The following S100Z variants were observed in gnomAD, a reference collection of about 807,000 sequenced individuals.
S100Z encodes protein S100-Z.
S100Z carries 11 observed loss-of-function variants against 8.5 expected under a neutral mutation model. That is an observed-to-expected ratio of 1.30 (90% CI 0.82 to 2.15). The LOEUF (loss-of-function observed/expected upper bound fraction) is 2.15. Among genes scored for constraint, S100Z ranks in the 30% most tolerant of loss-of-function variants. The probability of loss-of-function intolerance (pLI) is 0.00; values close to 1 mark genes in which losing one functional copy is unlikely to be tolerated. For missense variants in S100Z, 126 were observed against 117.9 expected, an observed-to-expected ratio of 1.07 and a Z score of -0.32; for synonymous variants, 34 against 43.8, an observed-to-expected ratio of 0.78 and a Z score of 0.89.
intron 4 of S100Z, among the ~76,000 whole-genome samples, chr5:76,894,307 A>G (rs1251655408): frequency 6.6e-6 from 1 of 152,178 alleles, no homozygotes; most frequent in Non-Finnish European, 1.5e-5. Context: ...TGTATTTCTT[A>G]AATGTATTTG....
At chr5:76,864,778 G>A (rs1008588628) in intron 1 of S100Z, among the ~76,000 whole-genome samples, 7 of 152,016 alleles carry the variant, frequency 4.6e-5, no homozygotes, top group South Asian at 2.1e-4. Flanking sequence ...GCACGATCTC[G>A]GCTCGCTGCA....
chr5:76,898,800 T>C (rs2359427), intron 4 of S100Z, among the ~76,000 whole-genome samples: 103,836 of 151,926 alleles, frequency 0.68, 36,248 homozygotes, highest in African/African-American at 0.82. Flanking sequence ...CAGGGTAATA[T>C]GGGCCTCATA....
intron 1 of S100Z, among the ~76,000 whole-genome samples, chr5:76,859,449 G>T (rs1314637175): frequency 1.3e-5 from 2 of 152,096 alleles, no homozygotes; most frequent in Non-Finnish European, 1.5e-5. Flanking sequence ...AATAATGCAG[G>T]ATCTTTACCC....
intron 4 of S100Z, among the ~76,000 whole-genome samples, chr5:76,919,257 A>G (rs1420944560): frequency 6.6e-6 from 1 of 152,214 alleles, no homozygotes; most frequent in African/African-American, 2.4e-5. Flanking sequence ...TTTTGTGAGA[A>G]ACCACCAAAT....
chr5:76,878,936 G>C (rs1743293973), intron 4 of S100Z, among the ~76,000 whole-genome samples: 2 of 152,294 alleles, frequency 1.3e-5, no homozygotes, highest in South Asian at 2.1e-4. Flanking sequence ...AACCGTTGCT[G>C]TTTGCCCATC....
chr5:76,901,337 A>C (rs1056450494), intron 4 of S100Z, among the ~76,000 whole-genome samples: 1 of 152,214 alleles, frequency 6.6e-6, no homozygotes, highest in Non-Finnish European at 1.5e-5. Context: ...CCAAGCTTCA[A>C]GTGGGTCCAG....
the S100Z span, among the ~76,000 whole-genome samples, chr5:76,937,837 GT>G: frequency 6.8e-6 from 1 of 146,270 alleles, no homozygotes; most frequent in Non-Finnish European, 1.5e-5. Context: ...TCCCTATTAT[GT>G]TTCTGCTGCT....
the S100Z span, among the ~76,000 whole-genome samples, chr5:76,951,269 G>A: frequency 1.1e-3 from 161 of 152,364 alleles, no homozygotes; most frequent in African/African-American, 3.6e-3. Context: ...CATCATGACA[G>A]CAGGGTGGGA....
chr5:76,881,967 A>G (rs1290782971), intron 4 of S100Z, among the ~76,000 whole-genome samples: 1 of 152,204 alleles, frequency 6.6e-6, no homozygotes, highest in Non-Finnish European at 1.5e-5. Flanking sequence ...GGACCCTTGC[A>G]TAGTGAGGAA....
downstream of S100Z, among the ~76,000 whole-genome samples, chr5:76,922,417 T>G (rs1433459573): frequency 6.6e-6 from 1 of 152,224 alleles, no homozygotes; most frequent in Non-Finnish European, 1.5e-5. Flanking sequence ...CAAAATAAGA[T>G]GACCTTTGTT....
the S100Z span, among the ~76,000 whole-genome samples, chr5:76,926,791 T>A: frequency 6.6e-6 from 1 of 152,190 alleles, no homozygotes; most frequent in Non-Finnish European, 1.5e-5. Flanking sequence ...GGCAGTAGAA[T>A]CAGCTTTGCA....
chr5:76,873,436 T>C (rs1328250531), intron 2 of S100Z, among the ~76,000 whole-genome samples: 1 of 151,434 alleles, frequency 6.6e-6, no homozygotes, highest in East Asian at 1.9e-4. Flanking sequence ...GCCTCCCGAG[T>C]AGCTGGGACT....
the S100Z span, among the ~76,000 whole-genome samples, chr5:76,937,395 T>C: frequency 1.3e-5 from 2 of 152,028 alleles, no homozygotes; most frequent in Non-Finnish European, 2.9e-5. Flanking sequence ...ATTTTATTAT[T>C]CTTATTTAAA....
At chr5:76,854,829 C>T (rs75342158) in intron 1 of S100Z, among the ~76,000 whole-genome samples, 1,923 of 152,352 alleles carry the variant, frequency 0.013, 24 homozygotes, top group African/African-American at 0.042. Flanking sequence ...CCAGGCAGCC[C>T]CTCCAATCAC....
At chr5:76,925,504 A>G (rs1396151882), downstream of S100Z, among the ~76,000 whole-genome samples, 1 of 152,146 alleles carries the variant, frequency 6.6e-6, no homozygotes, top group Non-Finnish European at 1.5e-5. Flanking sequence ...CTGAGTCTAT[A>G]GACTCTCATT....
At chr5:76,881,463 G>A (rs779740039) in intron 4 of S100Z, among the ~76,000 whole-genome samples, 4 of 152,208 alleles carry the variant, frequency 2.6e-5, no homozygotes, top group Non-Finnish European at 4.4e-5. Context: ...AGCTTGATGT[G>A]TAGGGAAGGG....
At chr5:76,857,499 T>G (rs1002750817) in intron 1 of S100Z, among the ~76,000 whole-genome samples, 1 of 122,448 alleles carries the variant, frequency 8.2e-6, no homozygotes, top group Non-Finnish European at 1.6e-5. Context: ...CCTGCCCCCA[T>G]TTTTTTTTTT....
intron 1 of S100Z, among the ~76,000 whole-genome samples, chr5:76,850,363 A>G (rs1044757889): frequency 6.7e-6 from 1 of 150,070 alleles, no homozygotes; most frequent in Non-Finnish European, 1.5e-5. Context: ...AGAGAGGGAG[A>G]GAGCAGCCTG....
At chr5:76,952,896 T>C in the S100Z span, 10 of 534,806 alleles carry the variant, frequency 1.9e-5, no homozygotes, top group Middle Eastern at 9.9e-4. Context: ...CGCTGAAAAT[T>C]TGTGGCTGAG....
Sources: allele counts gnomAD v4.1 joint callset (sites outside exome capture counted in the v4.1 genomes callset), GRCh38; gene constraint gnomAD v4.1.1; transcripts MANE v1.5; gene names NCBI Gene and HGNC (gene_info 2026-07-23, HGNC 2026-07-21).